ARHGEF4: variants seen among roughly 807,000 people sequenced by gnomAD.
ARHGEF4 encodes APC-stimulated guanine nucleotide exchange factor 1.
A neutral mutation model predicts 162.0 loss-of-function variants in ARHGEF4; 119 were observed. The observed-to-expected ratio is 0.73, with a 90% CI of 0.63 to 0.86. The LOEUF (loss-of-function observed/expected upper bound fraction) is 0.86. Ranked by LOEUF, ARHGEF4 falls within the 40% of genes least tolerant of loss-of-function variation. The pLI, the probability that ARHGEF4 is intolerant of heterozygous loss-of-function variation, is 0.00. For synonymous variants in ARHGEF4, 1,014 were observed against 979.9 expected, an observed-to-expected ratio of 1.03 and a Z score of -0.65; for missense variants, 2,488 against 2,456.0, an observed-to-expected ratio of 1.01 and a Z score of -0.28.
At chr2:130,993,394 A>G (rs970532046) in intron 4 of ARHGEF4, among the ~76,000 whole-genome samples, 2 of 152,020 alleles carry the variant, frequency 1.3e-5, no homozygotes, top group African/African-American at 4.8e-5. Flanking sequence ...TTGAAACTGC[A>G]TTGACTTTCA....
chr2:130,862,847 A>C (rs1263006667), intron 1 of ARHGEF4, among the ~76,000 whole-genome samples: 2 of 112,242 alleles, frequency 1.8e-5, no homozygotes, highest in African/African-American at 5.8e-5. Context: ...CCTGGGAAAC[A>C]GGGCAAGAGT....
At chr2:130,951,271 C>T (rs192121637) in intron 4 of ARHGEF4, among the ~76,000 whole-genome samples, 4 of 152,336 alleles carry the variant, frequency 2.6e-5, no homozygotes, top group Admixed American at 6.5e-5. Context: ...GGCTGTTTGG[C>T]TTGAGAGGCC....
chr2:130,986,149 G>GTA (rs1686482082), intron 4 of ARHGEF4, among the ~76,000 whole-genome samples: 1 of 151,594 alleles, frequency 6.6e-6, no homozygotes, highest in Non-Finnish European at 1.5e-5. Flanking sequence ...TTGTGTGCAT[G>GTA]GTGTGTGTTG....
chr2:131,043,383 G>A lies in ARHGEF4; in HGVS notation c.5026-69G>A, dbSNP rs1690973455. The A allele has an allele frequency of 3.1e-6, 5 of 1,598,844 alleles. No homozygotes were observed. The African/African-American group carries it at 6.7e-5, about 21-fold the overall frequency. On this transcript the variant is annotated intron_variant, in intron 10 of 13. Coordinates refer to ENST00000409359, the MANE Select transcript of ARHGEF4 (RefSeq NM_001367493.1). ...AGGGGGAGGTGCGCCACCCACCCATGATGGGGGCAGGAAGTGGAGCCCACG... is the reference window on the plus strand; with the variant it reads ...AGGGGGAGGTGCGCCACCCACCCATAATGGGGGCAGGAAGTGGAGCCCACG...
intron 4 of ARHGEF4, among the ~76,000 whole-genome samples, chr2:130,999,163 T>TC (rs1327230841): frequency 6.7e-6 from 1 of 149,684 alleles, no homozygotes; most frequent in East Asian, 1.9e-4. Context: ...GTTTTTTCTT[T>TC]TTTTTTTTTT....
chr2:131,016,137 C>G (rs1210203675), intron 4 of ARHGEF4, among the ~76,000 whole-genome samples: 2 of 152,164 alleles, frequency 1.3e-5, no homozygotes, highest in African/African-American at 4.8e-5. Context: ...TCCCTGTTGC[C>G]TGGAACACTC....
chr2:130,883,991 A>G (rs2104967412), intron 1 of ARHGEF4, among the ~76,000 whole-genome samples: 1 of 152,234 alleles, frequency 6.6e-6, no homozygotes, highest in East Asian at 1.9e-4. Flanking sequence ...GTGCTCCATT[A>G]ATATTAACTA....
At position 130,916,981 on chromosome 2, in the gene ARHGEF4, C is replaced by G. The variant is rs766954090; in HGVS notation, c.3035C>G (p.Pro1012Arg). The G allele has an allele frequency of 3.5e-5, 55 of 1,550,858 alleles. No homozygotes were observed. The highest frequency in any genetic ancestry group is 1.4e-5 in the Non-Finnish European group (16 of 1,147,070). ...DHWAPPLASTPLSSSLVSPEH... is the reference protein window; with the variant it reads ...DHWAPPLASTRLSSSLVSPEH... ...TGGGCACCCCCACTTGCCTCCACACCTTTGTCCTCCAGTTTAGTTTCTCCA... is the reference window on the plus strand; with the variant it reads ...TGGGCACCCCCACTTGCCTCCACACGTTTGTCCTCCAGTTTAGTTTCTCCA... Residue 1012 changes from proline (P) to arginine (R), a missense_variant, in exon 2 of 14, where the codon CCT becomes CGT. Physicochemically the swap from Pro to Arg is moderately radical, Grantham distance 103. This residue lies in a region of ARHGEF4 where 1,642 missense variants were observed against 1,481.5 expected (regional missense o/e 1.11). Coordinates refer to ENST00000409359, the MANE Select transcript of ARHGEF4 (RefSeq NM_001367493.1).
At chr2:131,003,670 T>C (rs1367653421) in intron 4 of ARHGEF4, among the ~76,000 whole-genome samples, 2 of 152,218 alleles carry the variant, frequency 1.3e-5, no homozygotes, top group Non-Finnish European at 2.9e-5. Flanking sequence ...GATAATCCTT[T>C]CTGATCTCTC....
chr2:130,846,498 A>G (rs2104867909), intron 1 of ARHGEF4, among the ~76,000 whole-genome samples: 1 of 152,292 alleles, frequency 6.6e-6, no homozygotes, highest in African/African-American at 2.4e-5. Context: ...CAGGACCCTC[A>G]GGAACCTGCC....
At chr2:130,935,674 T>C (rs1682901436) in intron 3 of ARHGEF4, among the ~76,000 whole-genome samples, 1 of 152,234 alleles carries the variant, frequency 6.6e-6, no homozygotes, top group African/African-American at 2.4e-5. Flanking sequence ...TGTTTAATAT[T>C]GTATTAATTT....
At chr2:131,040,950 C>T (rs977058247) in intron 8 of ARHGEF4, among the ~76,000 whole-genome samples, 1 of 152,112 alleles carries the variant, frequency 6.6e-6, no homozygotes, top group African/African-American at 2.4e-5. Context: ...CCTACCACCG[C>T]CGCTTTTGGC....
chr2:130,844,472 C>G (rs928875133), intron 1 of ARHGEF4, among the ~76,000 whole-genome samples: 6 of 152,350 alleles, frequency 3.9e-5, no homozygotes, highest in Admixed American at 2.0e-4. Flanking sequence ...CTTGAAATGC[C>G]TTGGGTATCA....
chr2:130,914,385 C>A lies in ARHGEF4; in HGVS notation c.439C>A (p.Arg147=), dbSNP rs894004169. ...GGATGACTCTTGCAAAAATGGGTGG[C>A]GAGCCTTTGCCACAGTTGCTGGAGA... The part of the protein sequence containing the change: ...LEDDSCKNGW[R]AFATVAGEQE... Residue 147 remains arginine, a synonymous_variant, in exon 2 of 14, where the codon CGA becomes AGA. Coordinates refer to ENST00000409359, the MANE Select transcript of ARHGEF4 (RefSeq NM_001367493.1). The A allele has an allele frequency of 2.8e-6, 4 of 1,445,154 alleles. No individual in the cohort carries two copies. Among genetic ancestry groups the A allele is most frequent in the Admixed American group, 5.3e-5 (2 of 37,610 alleles). The allele number at this position is 1,445,154 out of a possible 1,614,324, so 89.5% of individuals were successfully genotyped here. A position where few individuals can be genotyped will look rare whatever the true frequency, so the allele number is the denominator to read the frequency against.
intron 4 of ARHGEF4, among the ~76,000 whole-genome samples, chr2:130,983,912 G>A (rs1299393466): frequency 2.0e-5 from 3 of 152,168 alleles, no homozygotes; most frequent in Non-Finnish European, 4.4e-5. Context: ...GCCTCCCAAA[G>A]TGCTGGGATT....
rs55938466 is a variant in ARHGEF4 at position 130,890,948 on chromosome 2, C to T, written c.40-23038C>T. ...CTCTTACTTCTTTTCTACCATCTTCCTTCAATTCAGCTTGAAGTAGAAGCT... is the reference window on the plus strand; with the variant it reads ...CTCTTACTTCTTTTCTACCATCTTCTTTCAATTCAGCTTGAAGTAGAAGCT... On this transcript the variant is annotated intron_variant, in intron 1 of 13. Coordinates refer to ENST00000409359, the MANE Select transcript of ARHGEF4 (RefSeq NM_001367493.1). Among the ~76,000 whole-genome samples, 459 of 152,244 alleles carry T rather than the reference C, an allele frequency of 3.0e-3. 2 individuals are homozygous for T. Among genetic ancestry groups the T allele is most frequent in the Non-Finnish European group, 4.3e-3 (293 of 68,026 alleles).
intron 2 of ARHGEF4, among the ~76,000 whole-genome samples, chr2:130,923,885 C>CTTTTT (rs11377085): frequency 7.1e-6 from 1 of 141,002 alleles, no homozygotes; most frequent in African/African-American, 2.6e-5. Context: ...CTTTTCTTTT[C>CTTTTT]TTTTTTTTTT....
intron 2 of ARHGEF4, among the ~76,000 whole-genome samples, chr2:130,929,309 CA>C (rs1271977244): frequency 1.3e-5 from 2 of 152,194 alleles, no homozygotes; most frequent in Middle Eastern, 3.2e-3. Context: ...TCTTACTTCC[CA>C]GGCTGTACCC....
intron 4 of ARHGEF4, among the ~76,000 whole-genome samples, chr2:131,006,597 A>C (rs1020381105): frequency 6.6e-6 from 1 of 152,224 alleles, no homozygotes; most frequent in African/African-American, 2.4e-5. Flanking sequence ...TTAATGCTAG[A>C]TTCTCACCAT....
Sources: gnomAD v4.1 joint callset for allele counts (sites outside exome capture counted in the v4.1 genomes callset) on GRCh38, gnomAD v4.1.1 for gene constraint, gnomAD v4.1.1 regional missense constraint, MANE v1.5 for transcripts, NCBI Gene and HGNC (gene_info 2026-07-23, HGNC 2026-07-21) for gene names.